YIPF7: variants seen among roughly 807,000 people sequenced by gnomAD.
YIPF7 encodes the protein protein YIPF7.
YIPF7 carries 35 observed loss-of-function variants against 27.2 expected under a neutral mutation model. The observed-to-expected ratio is 1.29, with a 90% CI of 0.98 to 1.70. YIPF7 has a LOEUF of 1.70. YIPF7 is among the 40% of genes most tolerant of loss of function. YIPF7 has a pLI of 0.00. For missense variants in YIPF7, 358 were observed against 303.7 expected, an observed-to-expected ratio of 1.18 and a Z score of -1.33; for synonymous variants, 137 against 110.4, an observed-to-expected ratio of 1.24 and a Z score of -1.51.
At chr4:44,639,651 A>T (rs1415770385) in intron 2 of YIPF7, among the ~76,000 whole-genome samples, 3 of 152,148 alleles carry the variant, frequency 2.0e-5, no homozygotes, top group Non-Finnish European at 4.4e-5. Flanking sequence ...AGATCATATC[A>T]TCCAATTACC....
chr4:44,626,332 A>T (rs1285301044), intron 4 of YIPF7, among the ~76,000 whole-genome samples: 3 of 152,246 alleles, frequency 2.0e-5, no homozygotes, highest in African/African-American at 7.2e-5. Context: ...CAAAATAGTG[A>T]CAATTTCACA....
upstream of YIPF7, among the ~76,000 whole-genome samples, chr4:44,655,355 T>C (rs1356461336): frequency 6.6e-6 from 1 of 152,004 alleles, no homozygotes; most frequent in African/African-American, 2.4e-5. Flanking sequence ...ACACACTTAG[T>C]ATGTGAAAGA....
intron 3 of YIPF7, among the ~76,000 whole-genome samples, chr4:44,635,287 GAAA>G (rs1004556756): frequency 6.8e-6 from 1 of 146,760 alleles, no homozygotes; most frequent in Non-Finnish European, 1.5e-5. Flanking sequence ...GGCTACATAT[GAAA>G]AAAAAAAATC....
At position 44,624,651 on chromosome 4, in the gene YIPF7, G is replaced by T. The variant is rs186215680; in HGVS notation, c.558C>A (p.Cys186Ter). Residue 186 changes from cysteine (C) to a stop codon, truncating the protein, a stop_gained, in exon 5 of 6, where the codon TGC becomes TGA. Coordinates refer to ENST00000415895, the MANE Select transcript of YIPF7 (RefSeq NM_182592.3). LOFTEE classifies it high-confidence loss of function. The stretch of plus-strand genomic sequence containing the variant: ...CAGACAGGATGACCATGGGGAGCAG[G>T]CAGTAACCCAGCACGCTGGCCACAC... ...YGCVASVLGY[C>*]LLPMVILSGC... 7.5e-6 allele frequency: 12 copies of T among 1,602,576 alleles called. No individual in the cohort carries two copies. The Admixed American group carries it at 2.1e-4, about 27-fold the overall frequency.
At chr4:44,637,275 G>A (rs1713159567) in intron 2 of YIPF7, among the ~76,000 whole-genome samples, 1 of 152,136 alleles carries the variant, frequency 6.6e-6, no homozygotes, top group Admixed American at 6.5e-5. Flanking sequence ...TAGTGGGATT[G>A]CTTGATAAAA....
At chr4:44,660,369 T>C (rs978818068) in intron 2 of YIPF7, 1 of 152,078 alleles carries the variant, frequency 6.6e-6, no homozygotes, top group African/African-American at 2.4e-5. Context: ...ACTTTCAAGG[T>C]TGGATAAGAA....
intron 2 of YIPF7, among the ~76,000 whole-genome samples, chr4:44,639,491 A>G (rs1277965848): frequency 6.6e-6 from 1 of 152,140 alleles, no homozygotes; most frequent in Non-Finnish European, 1.5e-5. Flanking sequence ...TCTCAGCTAG[A>G]CAGTTATTGC....
At chr4:44,655,597 A>G (rs1425771442), upstream of YIPF7, among the ~76,000 whole-genome samples, 1 of 152,030 alleles carries the variant, frequency 6.6e-6, no homozygotes, top group Non-Finnish European at 1.5e-5. Context: ...CTGACAGAGA[A>G]ACAGGTTGTT....
At chr4:44,655,174 C>A (rs1907489), upstream of YIPF7, among the ~76,000 whole-genome samples, 94,264 of 151,490 alleles carry the variant, frequency 0.62, 30,079 homozygotes, top group Non-Finnish European at 0.7. Flanking sequence ...TTAAATAATG[C>A]ATGGCTTGAT....
intron 2 of YIPF7, among the ~76,000 whole-genome samples, chr4:44,656,765 C>T (rs1410924092): frequency 6.6e-6 from 1 of 150,650 alleles, no homozygotes; most frequent in Non-Finnish European, 1.5e-5. Flanking sequence ...TGGATATTTA[C>T]AAATGCTCTC....
In YIPF7 at chr4:44,624,688, A is replaced by C. The variant is rs901642298; in HGVS notation, c.521T>G (p.Val174Gly). Residue 174 changes from valine (V) to glycine (G), a missense_variant, in exon 5 of 6, where the codon GTG (valine) becomes GGG (glycine). Coordinates refer to ENST00000415895, the MANE Select transcript of YIPF7 (RefSeq NM_182592.3). Reference protein sequence around the residue: ...ALLNLMSSSGVSYGCVASVLG... With the variant: ...ALLNLMSSSGGSYGCVASVLG... The stretch of plus-strand genomic sequence containing the variant: ...CACGCTGGCCACACAGCCGTACGAC[A>C]CCCCTGAAGAGCTCATCAGGTTCAG... The C allele has an allele frequency of 1.9e-6, 3 of 1,609,532 alleles. No homozygotes were observed. In the African/African-American group the frequency reaches 4.0e-5, roughly 21 times the overall value.
At chr4:44,643,478 G>A (rs1713410471) in intron 2 of YIPF7, among the ~76,000 whole-genome samples, 1 of 152,084 alleles carries the variant, frequency 6.6e-6, no homozygotes, top group South Asian at 2.1e-4. Context: ...CCAAATGATA[G>A]AAAAGAAAAG....
intron 3 of YIPF7, among the ~76,000 whole-genome samples, chr4:44,634,778 T>C (rs1713047285): frequency 6.6e-6 from 1 of 152,222 alleles, no homozygotes; most frequent in Admixed American, 6.5e-5. Flanking sequence ...ATTTTTATTC[T>C]TATGTTTCTA....
chr4:44,646,071 G>A (rs942403054), intron 2 of YIPF7, among the ~76,000 whole-genome samples: 5 of 152,174 alleles, frequency 3.3e-5, no homozygotes, highest in African/African-American at 1.2e-4. Flanking sequence ...AAGCAGAGAT[G>A]TTGGTGGAGT....
At chr4:44,639,443 T>C (rs1042425394) in intron 2 of YIPF7, among the ~76,000 whole-genome samples, 1 of 152,176 alleles carries the variant, frequency 6.6e-6, no homozygotes, top group African/African-American at 2.4e-5. Context: ...AAATTTTGCT[T>C]GTAATTATTG....
At chr4:44,645,596 A>G (rs1713500978) in intron 2 of YIPF7, among the ~76,000 whole-genome samples, 1 of 152,226 alleles carries the variant, frequency 6.6e-6, no homozygotes, top group South Asian at 2.1e-4. Flanking sequence ...CAATATCTCC[A>G]TTAGCTCTAT....
At chr4:44,641,595 T>C (rs1713328187) in intron 2 of YIPF7, among the ~76,000 whole-genome samples, 1 of 152,206 alleles carries the variant, frequency 6.6e-6, no homozygotes. Flanking sequence ...TATGATAAAA[T>C]ATTTACAAAA....
intron 2 of YIPF7, among the ~76,000 whole-genome samples, chr4:44,639,528 T>C (rs1029807849): frequency 2.6e-5 from 4 of 152,202 alleles, no homozygotes; most frequent in Non-Finnish European, 4.4e-5. Context: ...TGATTTTGTA[T>C]GTTGATTTTA....
intron 2 of YIPF7, among the ~76,000 whole-genome samples, chr4:44,636,678 AT>A (rs2109586996): frequency 6.6e-6 from 1 of 152,332 alleles, no homozygotes; most frequent in East Asian, 1.9e-4. Context: ...AGTTGTAGCC[AT>A]TCCAAGACAG....
Sources: allele counts gnomAD v4.1 joint callset (sites outside exome capture counted in the v4.1 genomes callset), GRCh38; gene constraint gnomAD v4.1.1; transcripts MANE v1.5; gene names NCBI Gene and HGNC (gene_info 2026-07-23, HGNC 2026-07-21).